Variants in LPGAT1 observed in about 807,000 individuals in gnomAD.
LPGAT1 encodes the protein acyl-CoA:lysophosphatidylglycerol acyltransferase 1.
LPGAT1 carries 11 observed loss-of-function variants against 47.5 expected under a neutral mutation model. That is an observed-to-expected ratio of 0.23 (90% CI 0.15 to 0.38). The LOEUF (loss-of-function observed/expected upper bound fraction) is 0.38. Ranked by LOEUF, LPGAT1 falls within the 10% of genes least tolerant of loss-of-function variation. The pLI is 1.00. For missense variants in LPGAT1, 293 were observed against 439.0 expected (o/e 0.67, Z 2.97); for synonymous variants, 138 against 144.2 (o/e 0.96, Z 0.31).
chr1:211,784,182 G>A (rs1356992339), intron 4 of LPGAT1, among the ~76,000 whole-genome samples: 1 of 152,028 alleles, frequency 6.6e-6, no homozygotes, highest in African/African-American at 2.4e-5. Context: ...AGAGGGAGGT[G>A]GAGACCAAAT....
At chr1:211,793,987 C>A (rs1659246464) in intron 2 of LPGAT1, among the ~76,000 whole-genome samples, 1 of 152,160 alleles carries the variant, frequency 6.6e-6, no homozygotes, top group Non-Finnish European at 1.5e-5. Flanking sequence ...GTAAATATAG[C>A]ATGATCCCAT....
rs562732388 is a variant in LPGAT1 at position 211,784,951 on chromosome 1, C to G, written c.454-1449G>C. On this transcript the variant is annotated intron_variant, in intron 4 of 7. Coordinates refer to ENST00000366997, the MANE Select transcript of LPGAT1 (RefSeq NM_014873.3). ...CCCGAGTAGCTGGGACTACAGGCGC[C>G]TGCCACCACACCCGGCTAATTTTTT... Among the ~76,000 whole-genome samples the G allele has an allele frequency of 4.6e-5, 7 of 151,904 alleles. No homozygotes were observed. The East Asian group carries it at 1.2e-3, about 25-fold the overall frequency.
chr1:211,776,350 A>G (rs757946576), intron 6 of LPGAT1, among the ~76,000 whole-genome samples: 1 of 152,154 alleles, frequency 6.6e-6, no homozygotes, highest in Non-Finnish European at 1.5e-5. Flanking sequence ...CAGCCTGGCC[A>G]ACATGGTGAA....
intron 2 of LPGAT1, among the ~76,000 whole-genome samples, chr1:211,798,680 C>T (rs1659447427): frequency 1.3e-5 from 2 of 152,088 alleles, no homozygotes; most frequent in African/African-American, 4.8e-5. Context: ...TAGACACTCT[C>T]TCTAAAAACA....
At chr1:211,813,279 G>C (rs968633818) in intron 2 of LPGAT1, among the ~76,000 whole-genome samples, 2 of 152,026 alleles carry the variant, frequency 1.3e-5, no homozygotes, top group African/African-American at 4.8e-5. Context: ...TCAATAATTT[G>C]TTAAAAATAT....
At position 211,746,218 on chromosome 1, in the gene LPGAT1, G is replaced by A. The variant is rs1007041606; in HGVS notation, c.*3681C>T. 1.3e-5 allele frequency: 2 copies of A among 152,570 alleles called. No individual in the cohort carries two copies. The highest frequency in any genetic ancestry group is 2.4e-5 in the African/African-American group (1 of 41,438). The allele number at this position is 152,570 out of a possible 1,614,324, so 9.5% of individuals were successfully genotyped here. On this transcript the variant is annotated 3_prime_UTR_variant, in exon 8 of 8. Transcript: ENST00000366997. ...GGCAACATGAGCAAAGAATGAAGAC[G>A]CTTCTTAACATGAATCCAAGACAGC...
chr1:211,819,909 A>G (rs910467851), intron 2 of LPGAT1, among the ~76,000 whole-genome samples: 2 of 152,008 alleles, frequency 1.3e-5, no homozygotes, highest in African/African-American at 4.8e-5. Flanking sequence ...GCTTGAACCC[A>G]GGAGGCAAGA....
intron 2 of LPGAT1, among the ~76,000 whole-genome samples, chr1:211,811,259 C>G (rs1384797016): frequency 1.3e-5 from 2 of 152,124 alleles, no homozygotes; most frequent in South Asian, 2.1e-4. Flanking sequence ...TACACTGCAG[C>G]AGAAAGAATA....
chr1:211,776,075 GA>G (rs1292518429), intron 6 of LPGAT1, among the ~76,000 whole-genome samples: 3 of 149,760 alleles, frequency 2.0e-5, no homozygotes, highest in Non-Finnish European at 3.0e-5. Flanking sequence ...TTTAATTACA[GA>G]ACTCTAGGCT....
At position 211,762,750 on chromosome 1, in the gene LPGAT1, T is replaced by C. The variant is rs115217200; in HGVS notation, c.855-11683A>G. 4.5e-3 allele frequency among the ~76,000 whole-genome samples: 682 copies of C among 152,232 alleles called. 3 individuals carry two copies. The highest frequency in any genetic ancestry group is 0.016 in the African/African-American group (657 of 41,530). On this transcript the variant is annotated intron_variant, in intron 6 of 7. Coordinates refer to ENST00000366997, the MANE Select transcript of LPGAT1 (RefSeq NM_014873.3). Reference sequence around the variant, plus strand: ...ATAGAGAATATACTACCAAAATCCATAGTCAGATTTAAAAGCACTAGATGA... The same window carrying C: ...ATAGAGAATATACTACCAAAATCCACAGTCAGATTTAAAAGCACTAGATGA...
intron 4 of LPGAT1, among the ~76,000 whole-genome samples, chr1:211,785,822 G>T (rs994031376): frequency 6.6e-6 from 1 of 151,892 alleles, no homozygotes; most frequent in Non-Finnish European, 1.5e-5. Flanking sequence ...GGCCAGGCTG[G>T]CCTCGAACTC....
intron 5 of LPGAT1, 44 bp from the exon 6 acceptor site, chr1:211,779,088 T>C: frequency 6.8e-7 from 1 of 1,481,412 alleles, no homozygotes; most frequent in Non-Finnish European, 9.1e-7. Flanking sequence ...TCAACTTTTA[T>C]ATTATCTGCA....
chr1:211,746,411 T>G lies in LPGAT1; in HGVS notation c.*3488A>C, dbSNP rs1294998072. 1.3e-5 allele frequency: 2 copies of G among 152,186 alleles called. No homozygotes were observed. Among genetic ancestry groups the G allele is most frequent in the African/African-American group, 4.8e-5 (2 of 41,430 alleles). The allele number at this position is 152,186 out of a possible 1,614,324, so 9.4% of individuals were successfully genotyped here. A position where few individuals can be genotyped will look rare whatever the true frequency, so the allele number is the denominator to read the frequency against. ...ATTTCCTCTTCCTGATAGCTGTCTT[T>G]CCGCATCATTTCACTACTCATTAAC... On this transcript the variant is annotated 3_prime_UTR_variant, in exon 8 of 8. Coordinates refer to ENST00000366997, the MANE Select transcript of LPGAT1 (RefSeq NM_014873.3).
chr1:211,803,508 G>A (rs74930393), intron 2 of LPGAT1, among the ~76,000 whole-genome samples: 1,642 of 152,204 alleles, frequency 0.011, 15 homozygotes, highest in South Asian at 0.029. Flanking sequence ...CTTAAGAGGA[G>A]ATCTAAAAAT....
chr1:211,815,288 C>T (rs1430069530), intron 2 of LPGAT1, among the ~76,000 whole-genome samples: 1 of 152,158 alleles, frequency 6.6e-6, no homozygotes, highest in Non-Finnish European at 1.5e-5. Context: ...CCTCTCTAAA[C>T]TTCCCCATCT....
chr1:211,806,806 A>G (rs1659779836), intron 2 of LPGAT1, among the ~76,000 whole-genome samples: 1 of 152,204 alleles, frequency 6.6e-6, no homozygotes, highest in Admixed American at 6.5e-5. Context: ...TCAGTGTGAT[A>G]AAGTTTTAAA....
At chr1:211,797,606 T>C in intron 2 of LPGAT1, among the ~76,000 whole-genome samples, 1 of 152,210 alleles carries the variant, frequency 6.6e-6, no homozygotes, top group East Asian at 1.9e-4. Flanking sequence ...AAAATGTTTG[T>C]AGTGAAAGAG....
intron 2 of LPGAT1, 78 bp downstream of exon 2, chr1:211,828,981 C>T: frequency 6.9e-7 from 1 of 1,442,056 alleles, no homozygotes; most frequent in Admixed American, 2.0e-5. Flanking sequence ...ATCCTCAACC[C>T]AAAGTGTAAT....
At position 211,746,889 on chromosome 1, in the gene LPGAT1, A is replaced by T. The variant is rs1027015054; in HGVS notation, c.*3010T>A. 6.6e-6 allele frequency: 1 copy of T among 152,202 alleles called. No homozygotes were observed. Among genetic ancestry groups the T allele is most frequent in the African/African-American group, 2.4e-5 (1 of 41,450 alleles). 9.4% of individuals were successfully genotyped at this position (152,202 alleles called of 1,614,324 possible). A position where few individuals can be genotyped will look rare whatever the true frequency, so the allele number is the denominator to read the frequency against. ...GCTTGGTCACTTTTGCAGTGACTGG[A>T]CCTGCCTGTGGCCAAGCACATGTTC... On this transcript the variant is annotated 3_prime_UTR_variant, in exon 8 of 8. Coordinates refer to ENST00000366997, the MANE Select transcript of LPGAT1 (RefSeq NM_014873.3).
Sources: allele counts gnomAD v4.1 joint callset (sites outside exome capture counted in the v4.1 genomes callset), GRCh38; gene constraint gnomAD v4.1.1; transcripts MANE v1.5; gene names NCBI Gene and HGNC (gene_info 2026-07-23, HGNC 2026-07-21).